Variants in SYT13 observed in about 807,000 individuals in gnomAD.
SYT13 encodes the protein synaptotagmin 13, also known as synaptotagmin-13.
In SYT13, 21 loss-of-function variants were observed where a neutral mutation model predicts 38.6. That is an observed-to-expected ratio of 0.54 (90% confidence interval 0.39 to 0.78). SYT13 has a LOEUF of 0.78. SYT13 is among the 30% of genes least tolerant of loss of function. The pLI is 0.00. For synonymous variants in SYT13, 241 were observed against 237.6 expected (o/e 1.01, Z -0.13); for missense variants, 495 against 548.7 (o/e 0.90, Z 0.98).
chr11:45,261,830 C>T (rs914640734), intron 1 of SYT13, among the ~76,000 whole-genome samples: 8 of 148,900 alleles, frequency 5.4e-5, no homozygotes, highest in African/African-American at 1.7e-4. Flanking sequence ...GCAGGAGAAT[C>T]GCTTGAACCC....
Position 45,240,550 on chromosome 11 carries a change from C to A in SYT13, c.*3502G>T, listed in dbSNP as rs978627134. 25 of 152,320 alleles carry A rather than the reference C, an allele frequency of 1.6e-4. No individual in the cohort carries two copies. The highest frequency in any genetic ancestry group is 6.0e-4 in the African/African-American group (25 of 41,446). 9.4% of individuals were successfully genotyped at this position (152,320 alleles called of 1,614,324 possible). A position where few individuals can be genotyped will look rare whatever the true frequency, so the allele number is the denominator to read the frequency against. Reference sequence around the variant, plus strand: ...GAGAAATGGACCCTGAATAACTGGTCTCCTAGCTGATTCTCTGTGCCCAGC... The same window carrying A: ...GAGAAATGGACCCTGAATAACTGGTATCCTAGCTGATTCTCTGTGCCCAGC... On this transcript the variant is annotated 3_prime_UTR_variant, in exon 6 of 6. Coordinates refer to ENST00000020926, the MANE Select transcript of SYT13 (RefSeq NM_020826.3).
At chr11:45,262,716 T>C (rs1197127476) in intron 1 of SYT13, among the ~76,000 whole-genome samples, 1 of 111,982 alleles carries the variant, frequency 8.9e-6, no homozygotes, top group Non-Finnish European at 1.8e-5. Flanking sequence ...AAGAGGGAGA[T>C]CCTATCACAC....
chr11:45,252,569 T>A lies in SYT13; in HGVS notation c.698A>T (p.Glu233Val). The change falls in exon 4 of 6, where the codon GAG becomes GTG. Residue 233 changes from glutamate (E) to valine (V), a missense_variant. Transcript: ENST00000020926. This position sits in a 1 kb window ranked among gnomAD's most constrained non-coding sequence, Gnocchi z 4.3. Reference sequence around the variant, plus strand: ...CAGCGTCAGGGTGGCTGTGGGGAGCTCCTCCTCCGCCAGGGGGAGCACCAG... The same window carrying A: ...CAGCGTCAGGGTGGCTGTGGGGAGCACCTCCTCCGCCAGGGGGAGCACCAG... ...EGLVLPLAEE[E>V]LPTATLTLTL... is the part of the protein sequence containing the mutation. 6.2e-7 allele frequency: 1 copy of A among 1,614,034 alleles called. No individual in the cohort carries two copies. Among genetic ancestry groups the A allele is most frequent in the Non-Finnish European group, 8.5e-7 (1 of 1,180,016 alleles).
intron 1 of SYT13, among the ~76,000 whole-genome samples, chr11:45,275,298 A>C (rs1230876569): frequency 6.6e-6 from 1 of 152,202 alleles, no homozygotes; most frequent in Non-Finnish European, 1.5e-5. Flanking sequence ...GGAATCAATG[A>C]AATATGTCAA....
chr11:45,251,819 C>A (rs113032788), intron 4 of SYT13, among the ~76,000 whole-genome samples: 2,015 of 152,350 alleles, frequency 0.013, 41 homozygotes, highest in African/African-American at 0.046. Context: ...CTGGGGATTG[C>A]ATGGACCACC....
intron 1 of SYT13, chr11:45,269,560 A>G: frequency 1.0e-6 from 1 of 953,050 alleles, no homozygotes; most frequent in South Asian, 1.4e-5. Context: ...GCAACTATAG[A>G]TAAGTGCCTA....
At chr11:45,277,848 C>T (rs1289528994) in intron 1 of SYT13, among the ~76,000 whole-genome samples, 1 of 152,234 alleles carries the variant, frequency 6.6e-6, no homozygotes, top group African/African-American at 2.4e-5. Flanking sequence ...TTACCTACCA[C>T]CAGCACACAT....
chr11:45,256,392 C>T (rs1854747763), intron 1 of SYT13, among the ~76,000 whole-genome samples: 1 of 152,172 alleles, frequency 6.6e-6, no homozygotes, highest in Non-Finnish European at 1.5e-5. Context: ...GAGCTCCCTG[C>T]TTCTCAAACA....
chr11:45,262,119 C>T (rs993232501), intron 1 of SYT13, among the ~76,000 whole-genome samples: 6 of 152,170 alleles, frequency 3.9e-5, no homozygotes, highest in Middle Eastern at 3.4e-3. Flanking sequence ...ATCTATATAA[C>T]GGAGTATTAT....
chr11:45,275,905 T>C (rs1855005260), intron 1 of SYT13, among the ~76,000 whole-genome samples: 1 of 152,154 alleles, frequency 6.6e-6, no homozygotes, highest in South Asian at 2.1e-4. Context: ...GAGCAGCAGG[T>C]GCAAACTTGC....
At chr11:45,281,639 C>T (rs1162171225) in intron 1 of SYT13, among the ~76,000 whole-genome samples, 1 of 149,056 alleles carries the variant, frequency 6.7e-6, no homozygotes, top group African/African-American at 2.5e-5. Context: ...TGTACTCCAT[C>T]CTGGGCGACA....
chr11:45,243,803 G>A lies in SYT13; in HGVS notation c.*249C>T. 1 of 486,104 alleles carries A rather than the reference G, an allele frequency of 2.1e-6. No homozygotes were observed. Among genetic ancestry groups the A allele is most frequent in the Admixed American group, 3.7e-5 (1 of 27,000 alleles). The allele number at this position is 486,104 out of a possible 1,614,324, so 30.1% of individuals were successfully genotyped here. ...CACCTATAAAACAGGCATAGGAACT[G>A]TATTTAATAAGCACCTCCTTCAATA... On this transcript the variant is annotated 3_prime_UTR_variant, in exon 6 of 6. Transcript: ENST00000020926.
chr11:45,255,389 C>T (rs576652372), intron 2 of SYT13, among the ~76,000 whole-genome samples: 28 of 152,220 alleles, frequency 1.8e-4, no homozygotes. Context: ...ATGGTTTTAA[C>T]CATGGCTCTT....
At chr11:45,274,784 G>T (rs541225438) in intron 1 of SYT13, among the ~76,000 whole-genome samples, 2 of 152,230 alleles carry the variant, frequency 1.3e-5, no homozygotes, top group East Asian at 3.9e-4. Flanking sequence ...TTGCAATCCT[G>T]CCTCAATAAA....
chr11:45,246,502 G>A lies in SYT13; in HGVS notation c.857C>T (p.Ala286Val), dbSNP rs1760088058. The change falls in exon 5 of 6, where the codon GCA becomes GTA. Residue 286 changes from alanine to valine, a missense_variant. Coordinates refer to ENST00000020926, the MANE Select transcript of SYT13 (RefSeq NM_020826.3). ...ELKTSAKEPS[A>V]GAGEVLLSIS... ...GGATAGTAGGACCTCTCCAGCTCCT[G>A]CAGATGGCTCCTGAAACAGAAAAGG... 6 of 1,614,044 alleles carry A rather than the reference G, an allele frequency of 3.7e-6. No individual in the cohort carries two copies. Among genetic ancestry groups the A allele is most frequent in the Non-Finnish European group, 5.1e-6 (6 of 1,179,984 alleles).
At chr11:45,280,649 T>C (rs1855060886) in intron 1 of SYT13, among the ~76,000 whole-genome samples, 2 of 152,190 alleles carry the variant, frequency 1.3e-5, no homozygotes. Context: ...CCCGCTGCAG[T>C]CATTTCCTGT....
At chr11:45,270,985 T>C (rs1257854774) in intron 1 of SYT13, among the ~76,000 whole-genome samples, 3 of 152,126 alleles carry the variant, frequency 2.0e-5, no homozygotes, top group African/African-American at 7.2e-5. Flanking sequence ...CCACCCTACA[T>C]ACCATGGGAG....
At chr11:45,256,728 A>G (rs1416120723) in intron 1 of SYT13, among the ~76,000 whole-genome samples, 1 of 152,132 alleles carries the variant, frequency 6.6e-6, no homozygotes, top group African/African-American at 2.4e-5. Context: ...TCCTGCCTAG[A>G]TTAGCCTGGT....
chr11:45,278,402 G>A (rs545882616), intron 1 of SYT13, among the ~76,000 whole-genome samples: 3 of 152,116 alleles, frequency 2.0e-5, no homozygotes, highest in African/African-American at 7.2e-5. Context: ...TGGAATGGTT[G>A]TGTCTTATTT....
Sources: gnomAD v4.1 joint callset for allele counts (sites outside exome capture counted in the v4.1 genomes callset) on GRCh38, gnomAD v4.1.1 for gene constraint, Gnocchi (gnomAD v3.1) non-coding constraint, MANE v1.5 for transcripts, NCBI Gene and HGNC (gene_info 2026-07-23, HGNC 2026-07-21) for gene names.